The following GPC5 variants were observed in gnomAD, a reference collection of about 807,000 sequenced individuals.
GPC5 encodes the protein glypican-5.
A neutral mutation model predicts 53.9 loss-of-function variants in GPC5; 47 were observed. The ratio of observed to expected loss-of-function variants is 0.87; its 90% CI spans 0.69 to 1.11. The LOEUF is 1.11. GPC5 is among the 50% of genes most tolerant of loss of function. GPC5 has a pLI of 0.00. For missense variants in GPC5, 748 were observed against 713.1 expected (o/e 1.05, Z -0.56); for synonymous variants, 286 against 263.3 (o/e 1.09, Z -0.84).
chr13:92,019,957 A>G (rs562748321), intron 6 of GPC5, among the ~76,000 whole-genome samples: 1 of 152,216 alleles, frequency 6.6e-6, no homozygotes, highest in South Asian at 2.1e-4. Flanking sequence ...GAAGTTTGAT[A>G]TGAGTATCTC....
At chr13:92,131,268 T>C (rs2041740744) in intron 6 of GPC5, among the ~76,000 whole-genome samples, 1 of 151,948 alleles carries the variant, frequency 6.6e-6, no homozygotes, top group South Asian at 2.1e-4. Context: ...TGAAAATTTG[T>C]TTGGCGATAT....
At chr13:91,534,767 C>A (rs1345027344) in intron 2 of GPC5, among the ~76,000 whole-genome samples, 27 of 151,056 alleles carry the variant, frequency 1.8e-4, no homozygotes, top group Non-Finnish European at 1.5e-5. Context: ...TCTCTGAAAT[C>A]CTGTTTGTTG....
chr13:92,444,742 TC>T (rs1877727949), intron 7 of GPC5, among the ~76,000 whole-genome samples: 43 of 99,208 alleles, frequency 4.3e-4, no homozygotes, highest in African/African-American at 1.5e-3. Context: ...AAAAAAAAAG[TC>T]TAAACTTAAG....
At chr13:92,370,668 A>G (rs947763149) in intron 7 of GPC5, among the ~76,000 whole-genome samples, 2 of 152,144 alleles carry the variant, frequency 1.3e-5, no homozygotes, top group Non-Finnish European at 2.9e-5. Context: ...ATTTGTTTAG[A>G]TGTTTTACTC....
intron 7 of GPC5, among the ~76,000 whole-genome samples, chr13:92,296,011 G>A (rs9589486): frequency 0.4 from 60,739 of 151,922 alleles, 12,490 homozygotes; most frequent in African/African-American, 0.5. Context: ...TGTTGCCTGT[G>A]TACCTTGGTT....
chr13:92,144,738 A>G (rs1594780972), intron 6 of GPC5, 92 bp from the exon 7 acceptor site: 13 of 1,256,782 alleles, frequency 1.0e-5, no homozygotes, highest in African/African-American at 6.1e-5. Context: ...GTGGATCCAC[A>G]TAACAAAATA....
chr13:92,285,529 G>A (rs1463128575), intron 7 of GPC5, among the ~76,000 whole-genome samples: 1 of 151,470 alleles, frequency 6.6e-6, no homozygotes, highest in East Asian at 1.9e-4. Flanking sequence ...CATGGTAGTG[G>A]TACCACAACA....
At chr13:92,538,007 T>G (rs1859323237) in intron 7 of GPC5, among the ~76,000 whole-genome samples, 1 of 152,126 alleles carries the variant, frequency 6.6e-6, no homozygotes, top group African/African-American at 2.4e-5. Flanking sequence ...GTTAAGAAGC[T>G]TAAAGAAGAA....
chr13:92,292,230 C>G (rs573747899), intron 7 of GPC5, among the ~76,000 whole-genome samples: 1 of 152,270 alleles, frequency 6.6e-6, no homozygotes, highest in Admixed American at 6.5e-5. Flanking sequence ...CAAATGGTAG[C>G]TCTACTTTTA....
At chr13:92,589,553 A>G (rs751315014) in intron 7 of GPC5, among the ~76,000 whole-genome samples, 3 of 152,186 alleles carry the variant, frequency 2.0e-5, no homozygotes, top group Non-Finnish European at 4.4e-5. Flanking sequence ...AACATCATAA[A>G]ATTGTTAGTG....
intron 6 of GPC5, among the ~76,000 whole-genome samples, chr13:92,100,281 T>C (rs2041455237): frequency 1.3e-5 from 2 of 152,028 alleles, no homozygotes; most frequent in African/African-American, 4.8e-5. Flanking sequence ...CAGGTGCCCA[T>C]AATCCCAGCT....
chr13:92,209,169 G>T (rs1330997), intron 7 of GPC5, among the ~76,000 whole-genome samples: 1 of 152,080 alleles, frequency 6.6e-6, no homozygotes, highest in Non-Finnish European at 1.5e-5. Context: ...AAAATGAGAT[G>T]TATTGCTTAA....
intron 7 of GPC5, among the ~76,000 whole-genome samples, chr13:92,615,681 T>C (rs1416024017): frequency 6.6e-6 from 1 of 152,160 alleles, no homozygotes; most frequent in African/African-American, 2.4e-5. Context: ...TGCCAATTAA[T>C]ATTTCAGTTT....
chr13:91,504,403 A>T (rs1479351626), intron 2 of GPC5, among the ~76,000 whole-genome samples: 1 of 152,122 alleles, frequency 6.6e-6, no homozygotes, highest in Non-Finnish European at 1.5e-5. Context: ...GTGGTTATTA[A>T]TATTTTGGAT....
At chr13:91,812,284 C>A (rs1387377571) in intron 5 of GPC5, among the ~76,000 whole-genome samples, 2 of 152,078 alleles carry the variant, frequency 1.3e-5, no homozygotes, top group Non-Finnish European at 2.9e-5. Flanking sequence ...TTAAGTTGTG[C>A]CCCTCTATAT....
At chr13:91,692,154 A>T (rs564500678) in intron 2 of GPC5, among the ~76,000 whole-genome samples, 1 of 152,282 alleles carries the variant, frequency 6.6e-6, no homozygotes, top group Admixed American at 6.5e-5. Context: ...TGAGATCATC[A>T]GTTATTTAAG....
intron 7 of GPC5, among the ~76,000 whole-genome samples, chr13:92,784,213 G>C (rs941062680): frequency 2.6e-5 from 4 of 152,092 alleles, no homozygotes; most frequent in Admixed American, 2.0e-4. Flanking sequence ...CCAAAAAGTA[G>C]GTTGGTTTAC....
intron 7 of GPC5, among the ~76,000 whole-genome samples, chr13:92,181,964 GAA>G (rs890182521): frequency 6.6e-6 from 1 of 152,084 alleles, no homozygotes; most frequent in African/African-American, 2.4e-5. Flanking sequence ...TCAAGTGGCA[GAA>G]AAAAAGATGT....
chr13:92,844,237 G>T (rs569703745), intron 7 of GPC5, among the ~76,000 whole-genome samples: 32 of 152,202 alleles, frequency 2.1e-4, no homozygotes, highest in Non-Finnish European at 4.1e-4. Flanking sequence ...GAAAGGTGTT[G>T]TTTAGCTTTC....
Sources: gnomAD v4.1 joint callset for allele counts (sites outside exome capture counted in the v4.1 genomes callset) on GRCh38, gnomAD v4.1.1 for gene constraint, MANE v1.5 for transcripts, NCBI Gene and HGNC (gene_info 2026-07-23, HGNC 2026-07-21) for gene names.